KMO: variants seen among roughly 807,000 people sequenced by gnomAD.
KMO encodes the protein kynurenine 3-monooxygenase.
KMO carries 24 observed loss-of-function variants against 57.8 expected under a neutral mutation model. That is an observed-to-expected ratio of 0.42 (90% CI 0.30 to 0.58). The LOEUF is 0.58. Among genes scored for constraint, KMO ranks in the 20% least tolerant of loss-of-function variants. KMO has a pLI of 0.22. For missense variants in KMO, 483 were observed against 588.2 expected, an observed-to-expected ratio of 0.82 and a Z score of 1.85; for synonymous variants, 210 against 193.6, an observed-to-expected ratio of 1.08 and a Z score of -0.70.
chr1:241,579,919 C>G (rs1478114208), intron 10 of KMO, among the ~76,000 whole-genome samples: 1 of 152,146 alleles, frequency 6.6e-6, no homozygotes, highest in Admixed American at 6.5e-5. Flanking sequence ...GGAATAACCT[C>G]CCTTGGTTTG....
intron 10 of KMO, among the ~76,000 whole-genome samples, chr1:241,580,330 A>T (rs1318362811): frequency 6.6e-6 from 1 of 152,068 alleles, no homozygotes; most frequent in Admixed American, 6.5e-5. Context: ...GCATGCTAAC[A>T]TTGCCTCCAA....
intron 14 of KMO, 76 bp downstream of exon 14, chr1:241,590,339 C>A: frequency 8.4e-7 from 1 of 1,185,172 alleles, no homozygotes; most frequent in Non-Finnish European, 1.3e-6. Flanking sequence ...ATGTTTGTTT[C>A]CAACAAATAC....
rs1282380836 is a variant in KMO, at chr1:241,594,442, C to T, written c.*2289C>T. ...ATTCTTCATTCCTACAAAGGACGAA[C>T]TTGGATTACATCAACTTTGGACCCA... On this transcript the variant is annotated 3_prime_UTR_variant, in exon 15 of 15. Coordinates refer to ENST00000366559, the MANE Select transcript of KMO (RefSeq NM_003679.5). 4 of 1,612,848 alleles carry T rather than the reference C, an allele frequency of 2.5e-6. No homozygotes were observed. Among genetic ancestry groups the T allele is most frequent in the African/African-American group, 1.3e-5 (1 of 74,900 alleles).
intron 10 of KMO, among the ~76,000 whole-genome samples, chr1:241,570,014 T>G (rs1662218549): frequency 6.6e-6 from 1 of 152,012 alleles, no homozygotes; most frequent in African/African-American, 2.4e-5. Context: ...TCAGGTATTA[T>G]CTTCTTTGAG....
At chr1:241,584,154 G>C (rs647204) in intron 10 of KMO, among the ~76,000 whole-genome samples, 11 of 142,174 alleles carry the variant, frequency 7.7e-5, no homozygotes, top group South Asian at 4.9e-4. Flanking sequence ...GACAGCCCCC[G>C]GTGTGTGATG....
intron 7 of KMO, among the ~76,000 whole-genome samples, chr1:241,562,582 G>A (rs549436669): frequency 8.5e-5 from 13 of 152,332 alleles, no homozygotes; most frequent in South Asian, 2.1e-4. Flanking sequence ...GCTCATGCCT[G>A]TAATCCCAGC....
chr1:241,543,795 G>A (rs558508802), intron 1 of KMO, among the ~76,000 whole-genome samples: 1 of 152,190 alleles, frequency 6.6e-6, no homozygotes, highest in African/African-American at 2.4e-5. Context: ...CACACTACCC[G>A]AGATCCCTTA....
intron 1 of KMO, among the ~76,000 whole-genome samples, chr1:241,535,342 C>T (rs1660720031): frequency 6.6e-6 from 1 of 151,858 alleles, no homozygotes; most frequent in South Asian, 2.1e-4. Context: ...AGGCTCTCCC[C>T]TGGCCCCTAG....
intron 1 of KMO, among the ~76,000 whole-genome samples, chr1:241,538,243 CA>C (rs1243649792): frequency 6.6e-6 from 1 of 152,132 alleles, no homozygotes; most frequent in Non-Finnish European, 1.5e-5. Flanking sequence ...GGCATTTGTG[CA>C]GGCCCAGTTG....
At chr1:241,590,319 TATTATG>T (rs746165847) in intron 14 of KMO, 56 bp downstream of exon 14, 4 of 1,309,032 alleles carry the variant, frequency 3.1e-6, no homozygotes, top group Non-Finnish European at 3.3e-6. Flanking sequence ...AATGTCATAG[TATTATG>T]ATTATGTTTG....
At chr1:241,537,773 A>G (rs1558409130) in intron 1 of KMO, among the ~76,000 whole-genome samples, 3 of 152,156 alleles carry the variant, frequency 2.0e-5, no homozygotes, top group African/African-American at 7.2e-5. Context: ...TTATAAAATC[A>G]TCAGATTTCA....
intron 1 of KMO, among the ~76,000 whole-genome samples, chr1:241,540,088 C>T (rs565974895): frequency 6.6e-6 from 1 of 152,010 alleles, no homozygotes. Context: ...AATATACAAC[C>T]TGTTACCATT....
intron 4 of KMO, among the ~76,000 whole-genome samples, chr1:241,554,651 T>C (rs552461064): frequency 6.6e-6 from 1 of 151,554 alleles, no homozygotes; most frequent in South Asian, 2.1e-4. Context: ...TAAAAATGTT[T>C]TGATTTTAGT....
rs1333982787 is a variant in KMO, at chr1:241,561,740, C to T, written c.450-427C>T. Among the ~76,000 whole-genome samples the T allele has an allele frequency of 2.0e-5, 3 of 152,162 alleles. No homozygotes were observed. The East Asian group carries it at 5.8e-4, about 29-fold the overall frequency. On this transcript the variant is annotated intron_variant, in intron 6 of 14. Coordinates refer to ENST00000366559, the MANE Select transcript of KMO (RefSeq NM_003679.5). ...ACATTCAAGATTCTCTTCTTTTCCC[C>T]TTCCTTTCTCTCCCTACCTTGTATT...
intron 1 of KMO, among the ~76,000 whole-genome samples, chr1:241,542,360 T>A (rs574726056): frequency 1.3e-5 from 2 of 152,256 alleles, no homozygotes; most frequent in South Asian, 4.1e-4. Context: ...GACCTGTAAA[T>A]AAGGAAGTAT....
At chr1:241,541,257 A>G (rs1247414104) in intron 1 of KMO, among the ~76,000 whole-genome samples, 1 of 152,172 alleles carries the variant, frequency 6.6e-6, no homozygotes, top group Middle Eastern at 3.2e-3. Flanking sequence ...AATAGGACGT[A>G]TTGCCTAGCT....
chr1:241,550,604 T>C (rs1198578313), intron 3 of KMO, among the ~76,000 whole-genome samples: 2 of 152,254 alleles, frequency 1.3e-5, no homozygotes, highest in East Asian at 1.9e-4. Context: ...ACACTTTGCA[T>C]TGAATGTTAG....
intron 1 of KMO, among the ~76,000 whole-genome samples, chr1:241,532,985 T>A (rs958335134): frequency 6.6e-6 from 1 of 152,176 alleles, no homozygotes; most frequent in Non-Finnish European, 1.5e-5. Flanking sequence ...GTTATATGAG[T>A]AATTGGGAAT....
In KMO at chr1:241,540,847, T is replaced by A. The variant is rs1216753307; in HGVS notation, c.55-7982T>A. On this transcript the variant is annotated intron_variant, in intron 1 of 14. Transcript: ENST00000366559. ...GGGGGGCCGAGGCAGAAGGATCACA[T>A]GAACCCAGGGGTTTGAGACCAGCCT... 2.0e-5 allele frequency among the ~76,000 whole-genome samples: 3 copies of A among 152,054 alleles called. No homozygotes were observed. In the East Asian group the frequency reaches 5.8e-4, roughly 29 times the overall value.
Sources: gnomAD v4.1 joint callset for allele counts (sites outside exome capture counted in the v4.1 genomes callset) on GRCh38, gnomAD v4.1.1 for gene constraint, MANE v1.5 for transcripts, NCBI Gene and HGNC (gene_info 2026-07-23, HGNC 2026-07-21) for gene names.